The following ENTREP2 variants were observed in gnomAD, a reference collection of about 807,000 sequenced individuals.
ENTREP2 encodes the protein protein ENTREP2.
chr15:29,554,293 C>T, the ENTREP2 span, among the ~76,000 whole-genome samples: 8 of 141,394 alleles, frequency 5.7e-5, no homozygotes, highest in East Asian at 4.2e-4. Flanking sequence ...CCAGCCTGGG[C>T]GACAGAGCGA....
the ENTREP2 span, among the ~76,000 whole-genome samples, chr15:29,413,795 T>C: frequency 1.3e-5 from 2 of 152,084 alleles, no homozygotes; most frequent in East Asian, 3.9e-4. Flanking sequence ...AATAAAGGGA[T>C]GGAGGAAGAT....
the ENTREP2 span, among the ~76,000 whole-genome samples, chr15:29,147,987 T>C: frequency 2.0e-5 from 3 of 152,200 alleles, no homozygotes; most frequent in Admixed American, 6.5e-5. Flanking sequence ...TTGGTACATG[T>C]AGAAACATGA....
chr15:29,159,554 A>AGCTGATTGGTCCGTTTTGACAGGGT, the ENTREP2 span, among the ~76,000 whole-genome samples: 2 of 152,032 alleles, frequency 1.3e-5, no homozygotes, highest in Non-Finnish European at 2.9e-5. Context: ...TTTTACAGAG[A>AGCTGATTGGTCCGTTTTGACAGGGT]GCTGATTGGT....
the ENTREP2 span, among the ~76,000 whole-genome samples, chr15:29,617,962 C>T: frequency 1.3e-5 from 2 of 152,212 alleles, no homozygotes; most frequent in African/African-American, 4.8e-5. Flanking sequence ...CTGCTCTGGA[C>T]TCTCTAACTA....
chr15:29,204,015 T>C, the ENTREP2 span, among the ~76,000 whole-genome samples: 1 of 152,216 alleles, frequency 6.6e-6, no homozygotes, highest in East Asian at 1.9e-4. Flanking sequence ...GGAATAGACA[T>C]CCAAATAAAT....
the ENTREP2 span, among the ~76,000 whole-genome samples, chr15:29,345,549 CAATT>C: frequency 1.5e-4 from 23 of 152,088 alleles, no homozygotes; most frequent in African/African-American, 5.6e-4. Context: ...CCAGAGGAAA[CAATT>C]AGGGGGAATG....
the ENTREP2 span, among the ~76,000 whole-genome samples, chr15:29,158,407 T>TTC: frequency 4.5e-5 from 1 of 22,112 alleles, no homozygotes; most frequent in African/African-American, 6.3e-5. Flanking sequence ...ATCTCTGCCT[T>TTC]TTTTTTTTTT....
the ENTREP2 span, among the ~76,000 whole-genome samples, chr15:29,426,620 C>G: frequency 6.6e-6 from 1 of 152,160 alleles, no homozygotes; most frequent in Non-Finnish European, 1.5e-5. Context: ...TGTTGGTCAT[C>G]TGGTTTCCTT....
the ENTREP2 span, among the ~76,000 whole-genome samples, chr15:29,644,632 G>A: frequency 3.2e-3 from 488 of 151,680 alleles, 6 homozygotes; most frequent in African/African-American, 0.011. Context: ...GTGAAACCCC[G>A]TCTCTACTAA....
At chr15:29,181,941 C>T in the ENTREP2 span, among the ~76,000 whole-genome samples, 1 of 152,126 alleles carries the variant, frequency 6.6e-6, no homozygotes, top group African/African-American at 2.4e-5. Flanking sequence ...GCTCAACTTC[C>T]ATTCCATTGT....
the ENTREP2 span, among the ~76,000 whole-genome samples, chr15:29,583,423 G>A: frequency 6.6e-6 from 1 of 152,138 alleles, no homozygotes; most frequent in African/African-American, 2.4e-5. Context: ...TTACTTACGA[G>A]TGGGAGCTGA....
At chr15:29,340,093 C>A in the ENTREP2 span, among the ~76,000 whole-genome samples, 1 of 152,310 alleles carries the variant, frequency 6.6e-6, no homozygotes, top group Admixed American at 6.5e-5. Context: ...TTCCAAGTTG[C>A]TGCAAGATAA....
At chr15:29,540,446 C>T in the ENTREP2 span, among the ~76,000 whole-genome samples, 1 of 152,164 alleles carries the variant, frequency 6.6e-6, no homozygotes, top group African/African-American at 2.4e-5. Flanking sequence ...AAAAACAACA[C>T]ACAAACCTGA....
the ENTREP2 span, among the ~76,000 whole-genome samples, chr15:29,290,705 T>C: frequency 6.6e-6 from 1 of 152,208 alleles, no homozygotes; most frequent in African/African-American, 2.4e-5. Context: ...TGTCTGTGCT[T>C]AGACAGAGCT....
chr15:29,485,686 A>C, the ENTREP2 span, among the ~76,000 whole-genome samples: 4 of 152,250 alleles, frequency 2.6e-5, no homozygotes, highest in Non-Finnish European at 5.9e-5. Context: ...TCCCATTAAA[A>C]AGTGGGCAAA....
At chr15:29,252,379 C>T in the ENTREP2 span, 50 of 1,549,514 alleles carry the variant, frequency 3.2e-5, no homozygotes, top group East Asian at 1.2e-3. Flanking sequence ...AACTGGCAGC[C>T]TTCTAGGGAG....
At chr15:29,390,747 T>A in the ENTREP2 span, among the ~76,000 whole-genome samples, 1 of 152,228 alleles carries the variant, frequency 6.6e-6, no homozygotes, top group South Asian at 2.1e-4. Context: ...TGAAAAGTTC[T>A]TTTACTTCCT....
At chr15:29,383,246 G>A in the ENTREP2 span, among the ~76,000 whole-genome samples, 1 of 152,132 alleles carries the variant, frequency 6.6e-6, no homozygotes, top group South Asian at 2.1e-4. Flanking sequence ...CTCTGCTCCT[G>A]GCATCTGTCC....
chr15:29,234,226 T>C, the ENTREP2 span: 1 of 1,611,122 alleles, frequency 6.2e-7, no homozygotes, highest in Non-Finnish European at 8.5e-7. Flanking sequence ...TAACTGGTGG[T>C]TGTCGTAACT....
Sources: allele counts gnomAD v4.1 joint callset (sites outside exome capture counted in the v4.1 genomes callset), GRCh38; gene constraint gnomAD v4.1.1; transcripts MANE v1.5; gene names NCBI Gene and HGNC (gene_info 2026-07-23, HGNC 2026-07-21).